CCDC7: variants seen among roughly 807,000 people sequenced by gnomAD.
CCDC7 encodes the protein coiled-coil domain containing 7.
Under a neutral mutation model 196.9 loss-of-function variants are expected in CCDC7, and 183 were observed. That is an observed-to-expected ratio of 0.93 (90% CI 0.82 to 1.05). The LOEUF (loss-of-function observed/expected upper bound fraction) is 1.05. Ranked by LOEUF, CCDC7 falls within the 50% of genes least tolerant of loss-of-function variation. CCDC7 has a pLI of 0.00. For missense variants in CCDC7, 1,540 were observed against 1,482.2 expected (o/e 1.04, Z -0.64); for synonymous variants, 525 against 484.6 (o/e 1.08, Z -1.10).
In CCDC7 at chr10:32,501,157, C is replaced by T. The variant is rs544816258; in HGVS notation, c.872+9160C>T. Among the ~76,000 whole-genome samples, 110 of 152,024 alleles carry T rather than the reference C, an allele frequency of 7.2e-4. No individual in the cohort carries two copies. In the Middle Eastern group the frequency reaches 0.014, roughly 19 times the overall value. On this transcript the variant is annotated intron_variant, in intron 9 of 41. Coordinates refer to ENST00000639629, the Ensembl canonical transcript of CCDC7. ...CTTCAATCTCTGATATCCTTTCTTCCGCTTGATCAATTTGGCTATTGATAC... is the reference window on the plus strand; with the variant it reads ...CTTCAATCTCTGATATCCTTTCTTCTGCTTGATCAATTTGGCTATTGATAC...
At chr10:32,531,547 A>C (rs1011828341) in intron 11 of CCDC7, among the ~76,000 whole-genome samples, 2 of 152,114 alleles carry the variant, frequency 1.3e-5, no homozygotes, top group Admixed American at 1.3e-4. Flanking sequence ...TCTGGTTTTG[A>C]TATCAAGGTA....
intron 13 of CCDC7, among the ~76,000 whole-genome samples, chr10:32,547,151 AG>A (rs1224416197): frequency 6.6e-6 from 1 of 151,952 alleles, no homozygotes; most frequent in African/African-American, 2.4e-5. Flanking sequence ...CCAGGTATCT[AG>A]GACTACAGGC....
chr10:32,875,549 T>C (rs1022156576), intron 41 of CCDC7, among the ~76,000 whole-genome samples: 2 of 151,840 alleles, frequency 1.3e-5, no homozygotes, highest in Non-Finnish European at 2.9e-5. Flanking sequence ...TTGTATCATA[T>C]CTTGAAAGTC....
At chr10:32,589,965 T>C (rs2059633794) in intron 18 of CCDC7, among the ~76,000 whole-genome samples, 1 of 152,152 alleles carries the variant, frequency 6.6e-6, no homozygotes, top group East Asian at 1.9e-4. Context: ...GAAGTGTGTT[T>C]ATTATACTCA....
chr10:32,610,413 TTTA>T lies in CCDC7; in HGVS notation c.1802-23826_1802-23824del, dbSNP rs898315868. Among the ~76,000 whole-genome samples the T allele has an allele frequency of 8.5e-5, 13 of 152,092 alleles. 1 individual carries two copies. The highest frequency in any genetic ancestry group is 4.2e-4 in the South Asian group (2 of 4,818). On this transcript the variant is annotated intron_variant, in intron 18 of 41. Coordinates refer to ENST00000639629, the Ensembl canonical transcript of CCDC7. Reference sequence around the variant, plus strand: ...GCCAACGCACCCGGCCCCAGATTTCTTTATTATTATTATTATTTTTTATTGTAC... The same window carrying T: ...GCCAACGCACCCGGCCCCAGATTTCTTTATTATTATTATTTTTTATTGTAC...
intron 18 of CCDC7, among the ~76,000 whole-genome samples, chr10:32,597,532 G>A (rs1210386109): frequency 6.6e-6 from 1 of 152,208 alleles, no homozygotes; most frequent in African/African-American, 2.4e-5. Flanking sequence ...ACTCATCAAA[G>A]TCATTCTCCA....
chr10:32,472,427 A>G (rs1484624816), intron 6 of CCDC7, 54 bp from the exon 8 acceptor site: 24 of 1,464,088 alleles, frequency 1.6e-5, no homozygotes, highest in Non-Finnish European at 2.2e-5. Flanking sequence ...AGTGTAATTT[A>G]AACTCTTACT....
At chr10:32,455,525 C>T (rs561999897) in intron 2 of CCDC7, among the ~76,000 whole-genome samples, 1 of 152,178 alleles carries the variant, frequency 6.6e-6, no homozygotes, top group African/African-American at 2.4e-5. Flanking sequence ...CCATGCTGGC[C>T]AGGCTGGTCT....
chr10:32,841,438 A>G (rs553287365), intron 33 of CCDC7, among the ~76,000 whole-genome samples: 1 of 152,212 alleles, frequency 6.6e-6, no homozygotes, highest in East Asian at 1.9e-4. Flanking sequence ...AAAAAAAGGT[A>G]GGAATATACT....
intron 29 of CCDC7, among the ~76,000 whole-genome samples, chr10:32,796,346 G>T (rs2083552220): frequency 6.6e-6 from 1 of 152,066 alleles, no homozygotes; most frequent in Non-Finnish European, 1.5e-5. Flanking sequence ...CTCAATTATT[G>T]TTTAGTAATC....
chr10:32,882,120 T>C (rs545853119), downstream of CCDC7, among the ~76,000 whole-genome samples: 1 of 152,240 alleles, frequency 6.6e-6, no homozygotes, highest in East Asian at 1.9e-4. Context: ...GAAGACTTTA[T>C]TAAAGACCAT....
intron 9 of CCDC7, among the ~76,000 whole-genome samples, chr10:32,499,573 C>A (rs903797613): frequency 8.6e-5 from 13 of 151,210 alleles, no homozygotes; most frequent in African/African-American, 2.9e-4. Context: ...AAAGAGGGAG[C>A]CCTAATGTTG....
At position 32,694,939 on chromosome 10, in the gene CCDC7, TG is replaced by T. The variant is rs1275634995; in HGVS notation, c.2407del (p.Glu803LysfsTer42). 6.2e-7 allele frequency: 1 copy of T among 1,606,782 alleles called. No homozygotes were observed. Among genetic ancestry groups the T allele is most frequent in the African/African-American group, 1.3e-5 (1 of 74,746 alleles). ...GAACATCAAGATTCAGTGTCAAAAC[TG>T]GAAATGCAAATTGAAAAAACCAAAA... On this transcript the variant is annotated frameshift_variant, in exon 24 of 42. Transcript: ENST00000639629. LOFTEE classifies it high-confidence loss of function.
At position 32,580,855 on chromosome 10, in the gene CCDC7, GA is replaced by G. The variant is rs921734641; in HGVS notation, c.1455-2169del. Among the ~76,000 whole-genome samples, 67 of 129,920 alleles carry G rather than the reference GA, an allele frequency of 5.2e-4. 1 individual carries two copies. Among genetic ancestry groups the G allele is most frequent in the African/African-American group, 1.5e-3 (53 of 35,414 alleles). The allele number at this position is 129,920 out of a possible 152,430, so 85.2% of individuals were successfully genotyped here. ...TTCCGGAAAAAGAAAGTATTGGAAA[GA>G]AAAAAAAAATAAAGAGGGCAGTTTG... On this transcript the variant is annotated intron_variant, in intron 16 of 41. Transcript: ENST00000639629.
intron 29 of CCDC7, among the ~76,000 whole-genome samples, chr10:32,787,305 G>T (rs1202294025): frequency 6.6e-6 from 1 of 151,310 alleles, no homozygotes; most frequent in Non-Finnish European, 1.5e-5. Flanking sequence ...CCTATGGAAT[G>T]ACATCAGCAA....
At chr10:32,450,084 G>A (rs1211194843), upstream of CCDC7, among the ~76,000 whole-genome samples, 1 of 152,236 alleles carries the variant, frequency 6.6e-6, no homozygotes. Flanking sequence ...CACAAAGTGG[G>A]TGGCTTAGAA....
At chr10:32,669,072 C>G (rs1318466789) in intron 21 of CCDC7, among the ~76,000 whole-genome samples, 2 of 152,034 alleles carry the variant, frequency 1.3e-5, no homozygotes, top group African/African-American at 2.4e-5. Flanking sequence ...AGGTACAATC[C>G]TCCTATACCT....
chr10:32,787,040 CGAAGG>C (rs1238952378), intron 29 of CCDC7, among the ~76,000 whole-genome samples: 1 of 151,698 alleles, frequency 6.6e-6, no homozygotes, highest in Non-Finnish European at 1.5e-5. Flanking sequence ...GGAATAAAAA[CGAAGG>C]AAAGGGAAGG....
intron 24 of CCDC7, among the ~76,000 whole-genome samples, chr10:32,704,168 C>T (rs909860500): frequency 4.6e-5 from 7 of 152,048 alleles, no homozygotes; most frequent in Admixed American, 2.0e-4. Context: ...TTGAGGATGG[C>T]GACGTACAGA....
Sources: allele counts gnomAD v4.1 joint callset (sites outside exome capture counted in the v4.1 genomes callset), GRCh38; gene constraint gnomAD v4.1.1; transcripts MANE v1.5; gene names NCBI Gene and HGNC (gene_info 2026-07-23, HGNC 2026-07-21).